Variants in ALPK2 observed in about 807,000 individuals in gnomAD.
ALPK2 encodes alpha-protein kinase 2.
In ALPK2, 127 loss-of-function variants were observed where a neutral mutation model predicts 163.1. That is an observed-to-expected ratio of 0.78 (90% CI 0.67 to 0.90). ALPK2 has a LOEUF of 0.90. ALPK2 is among the 40% of genes least tolerant of loss of function. The pLI is 0.00. For missense variants in ALPK2, 2,360 were observed against 2,589.6 expected (o/e 0.91, Z 1.92); for synonymous variants, 953 against 959.1 (o/e 0.99, Z 0.12).
At chr18:58,519,066 T>C (rs1470732950) in intron 8 of ALPK2, among the ~76,000 whole-genome samples, 1 of 152,186 alleles carries the variant, frequency 6.6e-6, no homozygotes, top group Non-Finnish European at 1.5e-5. Flanking sequence ...CTGAGTAACC[T>C]GTCCTAGGTT....
chr18:58,564,942 C>T lies in ALPK2; in HGVS notation c.1962+13872G>A, dbSNP rs148521249. Among the ~76,000 whole-genome samples the T allele has an allele frequency of 4.9e-3, 744 of 152,282 alleles. 2 individuals carry two copies. The highest frequency in any genetic ancestry group is 0.017 in the African/African-American group (703 of 41,544). The stretch of plus-strand genomic sequence containing the variant: ...CAAATGTTAGGTTCCTTGCTTCCCT[C>T]TCCAGAGTTAATCCTATCATTTGAA... On this transcript the variant is annotated intron_variant, in intron 4 of 12. Coordinates refer to ENST00000361673, the MANE Select transcript of ALPK2 (RefSeq NM_052947.4).
intron 11 of ALPK2, among the ~76,000 whole-genome samples, chr18:58,503,176 T>C (rs1289582584): frequency 6.6e-6 from 1 of 152,254 alleles, no homozygotes; most frequent in African/African-American, 2.4e-5. Flanking sequence ...CAATTGTGTA[T>C]ACATTGAAAA....
At chr18:58,628,390 T>C (rs1042814576) in intron 1 of ALPK2, among the ~76,000 whole-genome samples, 1 of 152,246 alleles carries the variant, frequency 6.6e-6, no homozygotes, top group African/African-American at 2.4e-5. Context: ...CCTGGATAGT[T>C]GACTTTTTAT....
chr18:58,590,604 G>T (rs1158438065), intron 3 of ALPK2, among the ~76,000 whole-genome samples: 1 of 152,146 alleles, frequency 6.6e-6, no homozygotes, highest in Non-Finnish European at 1.5e-5. Context: ...CCTAACAACT[G>T]CTATCAATAA....
intron 4 of ALPK2, chr18:58,556,929 C>G (rs2051796036): frequency 6.6e-6 from 1 of 152,278 alleles, no homozygotes; most frequent in South Asian, 2.1e-4. Flanking sequence ...TCCCGAGCCC[C>G]CAGCTTCCTA....
intron 12 of ALPK2, among the ~76,000 whole-genome samples, chr18:58,496,093 G>A (rs543730863): frequency 2.6e-5 from 4 of 152,324 alleles, no homozygotes; most frequent in African/African-American, 7.2e-5. Context: ...CGTATGGGAT[G>A]TGAGGACATC....
chr18:58,559,313 C>G (rs574050935), intron 4 of ALPK2, among the ~76,000 whole-genome samples: 1 of 152,054 alleles, frequency 6.6e-6, no homozygotes, highest in Non-Finnish European at 1.5e-5. Flanking sequence ...GGCAGCTGCC[C>G]GGAACAAAGA....
At chr18:58,534,057 T>G (rs923887662) in intron 5 of ALPK2, among the ~76,000 whole-genome samples, 3 of 152,166 alleles carry the variant, frequency 2.0e-5, no homozygotes, top group African/African-American at 7.2e-5. Context: ...AAAGAAGAGC[T>G]CTGAAATAAA....
intron 12 of ALPK2, among the ~76,000 whole-genome samples, chr18:58,497,425 G>A (rs2051406535): frequency 6.6e-6 from 1 of 152,048 alleles, no homozygotes; most frequent in South Asian, 2.1e-4. Flanking sequence ...AGTGGGAAGG[G>A]GCAGCTTGTT....
chr18:58,588,756 GA>G, intron 3 of ALPK2, among the ~76,000 whole-genome samples: 1 of 152,186 alleles, frequency 6.6e-6, no homozygotes, highest in African/African-American at 2.4e-5. Flanking sequence ...CCCTGCAGAG[GA>G]CATGATCTTG....
chr18:58,559,336 A>T (rs565363902), intron 4 of ALPK2, among the ~76,000 whole-genome samples: 8 of 152,256 alleles, frequency 5.3e-5, no homozygotes, highest in African/African-American at 1.9e-4. Flanking sequence ...TATCTGGCCC[A>T]CAATATTGTA....
In ALPK2 at chr18:58,580,556, G is replaced by A. The variant is rs539914318; in HGVS notation, c.228-8C>T. On this transcript the variant is annotated splice_region_variant and splice_polypyrimidine_tract_variant and intron_variant, in intron 3 of 12. Transcript: ENST00000361673. ...GCATCATTTTTGGTACAGCTAGGAT[G>A]AAGAGAATATATAGATAAGTTTGCC... 14 of 1,609,020 alleles carry A rather than the reference G, an allele frequency of 8.7e-6. No individual in the cohort carries two copies. In the Admixed American group the frequency reaches 2.2e-4, roughly 25 times the overall value.
At position 58,611,712 on chromosome 18, in the gene ALPK2, G is replaced by A. The variant is rs138405027; in HGVS notation, c.86C>T (p.Ala29Val). 287 of 1,613,204 alleles carry A rather than the reference G, an allele frequency of 1.8e-4. 6 individuals carry two copies. In the East Asian group the frequency reaches 3.9e-3, roughly 22 times the overall value. ...ACCAGATATTATGCAGCGAAGCACA[G>A]CGTCTGACTTCTCAGGAACCTTCTG... ...LSQKVPEKSD[A>V]VLRCIISGQP... The change falls in exon 2 of 13, where the codon GCT becomes GTT. Residue 29 changes from alanine (A) to valine (V), a missense_variant. Physicochemically the swap from Ala to Val is moderately conservative, Grantham distance 64. Coordinates refer to ENST00000361673, the MANE Select transcript of ALPK2 (RefSeq NM_052947.4).
chr18:58,556,233 AT>A (rs2051790543), intron 4 of ALPK2, among the ~76,000 whole-genome samples: 1 of 152,154 alleles, frequency 6.6e-6, no homozygotes, highest in Non-Finnish European at 1.5e-5. Context: ...TATAGTAAAA[AT>A]TGTGTCTCTC....
intron 1 of ALPK2, among the ~76,000 whole-genome samples, chr18:58,614,929 C>G (rs893703484): frequency 5.3e-5 from 8 of 152,044 alleles, no homozygotes; most frequent in African/African-American, 1.9e-4. Context: ...ACACACACAG[C>G]CAGAGGCAAT....
chr18:58,613,966 T>A (rs954984099), intron 1 of ALPK2, among the ~76,000 whole-genome samples: 1 of 152,162 alleles, frequency 6.6e-6, no homozygotes, highest in African/African-American at 2.4e-5. Context: ...GAACTGTATT[T>A]CCCAAAAAGT....
intron 11 of ALPK2, among the ~76,000 whole-genome samples, chr18:58,501,377 GTT>G (rs1602188270): frequency 6.6e-6 from 1 of 152,234 alleles, no homozygotes. Context: ...ACAGCTGTCT[GTT>G]AAGACCATAT....
At chr18:58,621,746 A>G (rs144768015) in intron 1 of ALPK2, among the ~76,000 whole-genome samples, 1 of 152,168 alleles carries the variant, frequency 6.6e-6, no homozygotes, top group Admixed American at 6.5e-5. Context: ...GGAGACAGTG[A>G]TAGTCTTTGT....
chr18:58,598,359 A>G (rs1365848773), intron 3 of ALPK2, among the ~76,000 whole-genome samples: 1 of 152,236 alleles, frequency 6.6e-6, no homozygotes, highest in East Asian at 1.9e-4. Flanking sequence ...TTGGGAGAAG[A>G]CAAAGCAGGA....
Sources: gnomAD v4.1 joint callset for allele counts (sites outside exome capture counted in the v4.1 genomes callset) on GRCh38, gnomAD v4.1.1 for gene constraint, MANE v1.5 for transcripts, NCBI Gene and HGNC (gene_info 2026-07-23, HGNC 2026-07-21) for gene names.